LOC128462377: variants seen among roughly 807,000 people sequenced by gnomAD.
the LOC128462377 span, among the ~76,000 whole-genome samples, chr16:89,374,237 C>A: frequency 1.4e-4 from 21 of 152,122 alleles, no homozygotes; most frequent in Non-Finnish European, 2.5e-4. Flanking sequence ...TCATAGAAAT[C>A]AATGAGATTT....
At chr16:89,326,715 C>T in the LOC128462377 span, among the ~76,000 whole-genome samples, 2 of 152,154 alleles carry the variant, frequency 1.3e-5, no homozygotes, top group African/African-American at 4.8e-5. Context: ...GCACTCCAAC[C>T]TTGGTGACAG....
At chr16:89,341,254 A>C in the LOC128462377 span, among the ~76,000 whole-genome samples, 1 of 152,236 alleles carries the variant, frequency 6.6e-6, no homozygotes, top group African/African-American at 2.4e-5. Context: ...CCCGGTTTGG[A>C]AACAATGCTG....
At chr16:89,402,014 G>C in the LOC128462377 span, among the ~76,000 whole-genome samples, 6 of 150,258 alleles carry the variant, frequency 4.0e-5, no homozygotes, top group African/African-American at 1.5e-4. Flanking sequence ...TGGGAGAACA[G>C]ATCCTTGCTG....
chr16:89,348,265 TG>T, the LOC128462377 span, among the ~76,000 whole-genome samples: 2 of 152,204 alleles, frequency 1.3e-5, no homozygotes, highest in Admixed American at 6.5e-5. Flanking sequence ...TCTTCTTAGA[TG>T]ATCTTACGGC....
the LOC128462377 span, among the ~76,000 whole-genome samples, chr16:89,393,678 A>C: frequency 1.3e-5 from 2 of 151,836 alleles, no homozygotes; most frequent in Non-Finnish European, 2.9e-5. Flanking sequence ...CGTCCACCTC[A>C]GAGGATTTGT....
At chr16:89,391,044 C>T in the LOC128462377 span, among the ~76,000 whole-genome samples, 4 of 152,034 alleles carry the variant, frequency 2.6e-5, no homozygotes, top group Admixed American at 6.6e-5. Flanking sequence ...CTGGCTAACA[C>T]GGTGAAACCC....
At chr16:89,380,455 C>G in the LOC128462377 span, among the ~76,000 whole-genome samples, 1 of 152,152 alleles carries the variant, frequency 6.6e-6, no homozygotes, top group Non-Finnish European at 1.5e-5. Context: ...TGGATTAGAG[C>G]TCCCTGAGCC....
the LOC128462377 span, among the ~76,000 whole-genome samples, chr16:89,377,809 G>A: frequency 1.3e-5 from 2 of 152,004 alleles, no homozygotes; most frequent in Non-Finnish European, 2.9e-5. Flanking sequence ...AAAGCACTTC[G>A]TAAGTTACAC....
chr16:89,377,284 A>C, the LOC128462377 span, among the ~76,000 whole-genome samples: 2 of 152,080 alleles, frequency 1.3e-5, no homozygotes, highest in South Asian at 4.1e-4. Flanking sequence ...AGAGAGAGAG[A>C]GCATCATGAG....
chr16:89,386,355 C>G, the LOC128462377 span, among the ~76,000 whole-genome samples: 3 of 152,126 alleles, frequency 2.0e-5, no homozygotes, highest in Admixed American at 1.3e-4. Flanking sequence ...CAATTCCCAA[C>G]GTTACTCGTG....
the LOC128462377 span, among the ~76,000 whole-genome samples, chr16:89,376,125 A>G: frequency 1.7e-4 from 26 of 152,354 alleles, no homozygotes; most frequent in African/African-American, 6.3e-4. Context: ...GCAGCTTTAA[A>G]ATTAATTCCC....
chr16:89,379,038 T>TCA, the LOC128462377 span, among the ~76,000 whole-genome samples: 9 of 152,202 alleles, frequency 5.9e-5, no homozygotes, highest in Admixed American at 5.9e-4. Context: ...GCTGAGGCAT[T>TCA]CACTGTCGCT....
At chr16:89,324,183 G>T in the LOC128462377 span, 1 of 1,163,538 alleles carries the variant, frequency 8.6e-7, no homozygotes, top group South Asian at 1.6e-5. Flanking sequence ...ACGGCGGGGG[G>T]TGGCAGCACC....
At chr16:89,357,616 T>C in the LOC128462377 span, among the ~76,000 whole-genome samples, 2 of 152,126 alleles carry the variant, frequency 1.3e-5, no homozygotes, top group African/African-American at 2.4e-5. Flanking sequence ...CAAACCCGAG[T>C]GTCCCCTGGC....
the LOC128462377 span, among the ~76,000 whole-genome samples, chr16:89,391,019 G>C: frequency 6.6e-6 from 1 of 152,190 alleles, no homozygotes. Flanking sequence ...ACGAGGTCAG[G>C]AGATCGAGAC....
At chr16:89,351,577 G>C in the LOC128462377 span, among the ~76,000 whole-genome samples, 1 of 152,220 alleles carries the variant, frequency 6.6e-6, no homozygotes, top group Non-Finnish European at 1.5e-5. Flanking sequence ...TTAAGGCATG[G>C]AGACGAAGCT....
chr16:89,407,213 G>T, the LOC128462377 span, among the ~76,000 whole-genome samples: 1 of 151,248 alleles, frequency 6.6e-6, no homozygotes, highest in Non-Finnish European at 1.5e-5. Flanking sequence ...AGAACACGCA[G>T]ACAGAAAAGA....
chr16:89,399,858 A>G, the LOC128462377 span, among the ~76,000 whole-genome samples: 1 of 152,204 alleles, frequency 6.6e-6, no homozygotes, highest in African/African-American at 2.4e-5. Flanking sequence ...GTCCCAGAGC[A>G]CAGGGCTTGG....
the LOC128462377 span, among the ~76,000 whole-genome samples, chr16:89,354,258 A>G: frequency 1.3e-5 from 2 of 151,828 alleles, no homozygotes; most frequent in Non-Finnish European, 2.9e-5. Flanking sequence ...AAAAAAAAAA[A>G]AAGAAAACTT....
Sources: gnomAD v4.1 joint callset for allele counts (sites outside exome capture counted in the v4.1 genomes callset) on GRCh38, gnomAD v4.1.1 for gene constraint, MANE v1.5 for transcripts.